Variants in ARHGAP15 observed in about 807,000 individuals in gnomAD.
ARHGAP15 encodes Rho GTPase activating protein 15.
In ARHGAP15, 51 loss-of-function variants were observed where a neutral mutation model predicts 63.7. That is an observed-to-expected ratio of 0.80 (90% CI 0.64 to 1.01). The LOEUF (loss-of-function observed/expected upper bound fraction) is 1.01. Ranked by LOEUF, ARHGAP15 falls within the 50% of genes least tolerant of loss-of-function variation. The pLI is 0.00. For missense variants in ARHGAP15, 560 were observed against 564.6 expected (o/e 0.99, Z 0.08); for synonymous variants, 191 against 193.8 (o/e 0.99, Z 0.12).
intron 8 of ARHGAP15, among the ~76,000 whole-genome samples, chr2:143,449,254 AACAG>A (rs565370108): frequency 1.2e-4 from 18 of 152,046 alleles, no homozygotes; most frequent in Non-Finnish European, 2.4e-4. Flanking sequence ...CCCTCACCAA[AACAG>A]ACAAACAAGA....
intron 8 of ARHGAP15, among the ~76,000 whole-genome samples, chr2:143,450,875 C>A (rs1250627994): frequency 6.6e-6 from 1 of 152,090 alleles, no homozygotes; most frequent in East Asian, 1.9e-4. Context: ...CTTGTAACCA[C>A]TTCTCATCTT....
intron 6 of ARHGAP15, among the ~76,000 whole-genome samples, chr2:143,271,703 C>A (rs1365500161): frequency 6.6e-6 from 1 of 152,186 alleles, no homozygotes; most frequent in Non-Finnish European, 1.5e-5. Flanking sequence ...GTCTCGCGCT[C>A]CTGACCTCGT....
At chr2:143,487,643 A>C in intron 9 of ARHGAP15, 148 bp downstream of exon 9, 1 of 955,274 alleles carries the variant, frequency 1.0e-6, no homozygotes, top group Non-Finnish European at 1.5e-6. Flanking sequence ...AGAAAAGAAA[A>C]ATAATTGTCC....
At chr2:143,730,929 CTTTTT>C (rs1191514139) in intron 13 of ARHGAP15, among the ~76,000 whole-genome samples, 1 of 87,326 alleles carries the variant, frequency 1.1e-5, no homozygotes, top group Non-Finnish European at 1.9e-5. Context: ...GGGAAAAAGG[CTTTTT>C]TTTTTTTTTT....
chr2:143,660,695 T>C lies in ARHGAP15; in HGVS notation c.1138+36428T>C, dbSNP rs116853413. Among the ~76,000 whole-genome samples, 155 of 152,312 alleles carry C rather than the reference T, an allele frequency of 1.0e-3. 3 individuals carry two copies. In the East Asian group the frequency reaches 0.028, roughly 28 times the overall value. ...ATGATAAATTGAAAAGTAAGGGCTA[T>C]GTGCTTAAAGAAAAGATTGGGCTTA... On this transcript the variant is annotated intron_variant, in intron 12 of 13. Coordinates refer to ENST00000295095, the MANE Select transcript of ARHGAP15 (RefSeq NM_018460.4).
intron 6 of ARHGAP15, among the ~76,000 whole-genome samples, chr2:143,427,170 A>G (rs1351916613): frequency 6.6e-6 from 1 of 152,178 alleles, no homozygotes; most frequent in African/African-American, 2.4e-5. Context: ...ATGGCCAAAT[A>G]TGTTACAATA....
At chr2:143,236,204 C>G (rs1232444837) in intron 5 of ARHGAP15, 1 of 391,560 alleles carries the variant, frequency 2.6e-6, no homozygotes, top group Non-Finnish European at 4.5e-6. Flanking sequence ...GATCCCTGCT[C>G]TTAAAGTACT....
At chr2:143,253,719 G>C (rs1204978175) in intron 6 of ARHGAP15, among the ~76,000 whole-genome samples, 3 of 147,080 alleles carry the variant, frequency 2.0e-5, no homozygotes, top group Non-Finnish European at 4.5e-5. Flanking sequence ...ATATATACAT[G>C]AATATACATG....
chr2:143,367,117 A>G (rs1038742529), intron 6 of ARHGAP15, among the ~76,000 whole-genome samples: 3 of 152,066 alleles, frequency 2.0e-5, no homozygotes, highest in Non-Finnish European at 4.4e-5. Context: ...TTGATTAGAC[A>G]TTACATAACA....
intron 11 of ARHGAP15, among the ~76,000 whole-genome samples, chr2:143,609,410 T>C (rs1229743809): frequency 6.6e-6 from 1 of 152,216 alleles, no homozygotes; most frequent in Non-Finnish European, 1.5e-5. Context: ...TTTGTGAGTT[T>C]AATGTTCCTT....
intron 6 of ARHGAP15, among the ~76,000 whole-genome samples, chr2:143,328,001 A>G (rs1466664684): frequency 6.6e-6 from 1 of 152,216 alleles, no homozygotes; most frequent in Non-Finnish European, 1.5e-5. Context: ...TGAAAAACTC[A>G]TAATCACTGG....
At chr2:143,560,068 C>A (rs1397692737) in intron 11 of ARHGAP15, among the ~76,000 whole-genome samples, 2 of 152,146 alleles carry the variant, frequency 1.3e-5, no homozygotes, top group African/African-American at 2.4e-5. Context: ...ATTTCACTAA[C>A]TTTCTTGAAT....
At chr2:143,461,429 C>T (rs935657004) in intron 8 of ARHGAP15, among the ~76,000 whole-genome samples, 2 of 151,968 alleles carry the variant, frequency 1.3e-5, no homozygotes, top group Admixed American at 6.6e-5. Flanking sequence ...GATGTAGAAA[C>T]TCTGTTTCCT....
chr2:143,768,040 T>G lies in ARHGAP15; in HGVS notation c.1296T>G (p.Ile432Met), dbSNP rs757456527. Residue 432 changes from isoleucine to methionine, a missense_variant, in exon 14 of 14, where the codon ATT becomes ATG. Coordinates refer to ENST00000295095, the MANE Select transcript of ARHGAP15 (RefSeq NM_018460.4). The stretch of plus-strand genomic sequence containing the variant: ...TCATGTCCACGCAAAGCTTGGGGAT[T>G]GTATTTGGACCTACCCTTCTGCGAG... ...KNLMSTQSLG[I>M]VFGPTLLRAE... 18 of 1,613,542 alleles carry G rather than the reference T, an allele frequency of 1.1e-5. No individual in the cohort carries two copies. In the South Asian group the frequency reaches 2.0e-4, roughly 18 times the overall value.
chr2:143,255,469 G>A lies in ARHGAP15; in HGVS notation c.474+4869G>A, dbSNP rs117491631. Reference sequence around the variant, plus strand: ...TTGGATGGAGTCTTCTGACTACAATGTATATTAAACTTTTTTATGTAATAT... The same window carrying A: ...TTGGATGGAGTCTTCTGACTACAATATATATTAAACTTTTTTATGTAATAT... On this transcript the variant is annotated intron_variant, in intron 6 of 13. Transcript: ENST00000295095. Among the ~76,000 whole-genome samples, 78 of 152,054 alleles carry A rather than the reference G, an allele frequency of 5.1e-4. No individual in the cohort carries two copies. The East Asian group carries it at 0.014, about 26-fold the overall frequency.
At chr2:143,387,841 GCA>G (rs79334789) in intron 6 of ARHGAP15, among the ~76,000 whole-genome samples, 6,677 of 149,768 alleles carry the variant, frequency 0.045, 664 homozygotes, top group Admixed American at 0.22. Context: ...ACGCATGCAA[GCA>G]CACACACACG....
chr2:143,768,154 C>G lies in ARHGAP15; in HGVS notation c.1410C>G (p.Phe470Leu), dbSNP rs754752563. The G allele has an allele frequency of 6.2e-7, 1 of 1,613,378 alleles. No homozygotes were observed. Among genetic ancestry groups the G allele is most frequent in the Non-Finnish European group, 8.5e-7 (1 of 1,179,546 alleles). The change falls in exon 14 of 14, where the codon TTC (phenylalanine) becomes TTG (leucine). Residue 470 changes from phenylalanine to leucine, a missense_variant. Coordinates refer to ENST00000295095, the MANE Select transcript of ARHGAP15 (RefSeq NM_018460.4). ...TGCTGAGTGAGTACAGTAAGATCTT[C>G]GGCTCAGAGGAAGACTGACAGACAA... ...ELMLSEYSKI[F>L]GSEED
At chr2:143,599,121 A>T (rs1697653406) in intron 11 of ARHGAP15, among the ~76,000 whole-genome samples, 1 of 152,124 alleles carries the variant, frequency 6.6e-6, no homozygotes, top group Non-Finnish European at 1.5e-5. Context: ...GTACTTTCTT[A>T]AAATCAAACC....
chr2:143,717,307 C>T (rs1684852131), intron 13 of ARHGAP15, among the ~76,000 whole-genome samples: 1 of 152,208 alleles, frequency 6.6e-6, no homozygotes, highest in Non-Finnish European at 1.5e-5. Context: ...GATACCGTGG[C>T]CTCTCTGGCT....
Sources: allele counts gnomAD v4.1 joint callset (sites outside exome capture counted in the v4.1 genomes callset), GRCh38; gene constraint gnomAD v4.1.1; transcripts MANE v1.5; gene names NCBI Gene and HGNC (gene_info 2026-07-23, HGNC 2026-07-21).